Variants in COQ5 observed in about 807,000 individuals in gnomAD.
COQ5 encodes 2-methoxy-6-polyprenyl-1,4-benzoquinol methylase, mitochondrial.
COQ5 carries 27 observed loss-of-function variants against 40.5 expected under a neutral mutation model. The observed-to-expected ratio is 0.67, with a 90% CI of 0.49 to 0.92. The LOEUF is 0.92. COQ5 is among the 40% of genes least tolerant of loss of function. The pLI is 0.00. For missense variants in COQ5, 409 were observed against 406.4 expected, an observed-to-expected ratio of 1.01 and a Z score of -0.06; for synonymous variants, 141 against 150.0, an observed-to-expected ratio of 0.94 and a Z score of 0.44.
intron 3 of COQ5, among the ~76,000 whole-genome samples, chr12:120,513,221 G>T (rs557957097): frequency 1.4e-5 from 2 of 147,484 alleles, no homozygotes; most frequent in Non-Finnish European, 3.0e-5. Context: ...AAGTAGTTAA[G>T]GGCCAGGTGC....
At chr12:120,513,716 C>T (rs1308032802) in intron 3 of COQ5, among the ~76,000 whole-genome samples, 1 of 151,818 alleles carries the variant, frequency 6.6e-6, no homozygotes, top group African/African-American at 2.4e-5. Flanking sequence ...GACAGGGTTT[C>T]ACCATGTTGA....
At chr12:120,516,822 T>G in intron 2 of COQ5, 34 bp from the exon 3 acceptor site, 1 of 1,569,388 alleles carries the variant, frequency 6.4e-7, no homozygotes. Context: ...AGATGCAGAC[T>G]AAAACAAAAA....
In COQ5 at chr12:120,503,662, T is replaced by C. The variant is rs1593011761; in HGVS notation, c.*122A>G. 5 of 757,770 alleles carry C rather than the reference T, an allele frequency of 6.6e-6. No homozygotes were observed. In the East Asian group the frequency reaches 1.1e-4, roughly 16 times the overall value. 46.9% of individuals were successfully genotyped at this position (757,770 alleles called of 1,614,324 possible). ...ACTTTGAGACTGTTCGATTCAAACA[T>C]GAGTCCAAGGCACGTATCCTTAAGA... is the stretch of plus-strand genomic sequence containing the variant. On this transcript the variant is annotated 3_prime_UTR_variant, in exon 7 of 7. Coordinates refer to ENST00000288532, the MANE Select transcript of COQ5 (RefSeq NM_032314.4).
chr12:120,526,475 G>A (rs1305909310), intron 1 of COQ5: 1 of 455,612 alleles, frequency 2.2e-6, no homozygotes, highest in Non-Finnish European at 4.4e-6. Flanking sequence ...ACAAGAAATG[G>A]AGCTGTGACA....
chr12:120,526,477 G>T (rs1041995049), intron 1 of COQ5: 22 of 455,544 alleles, frequency 4.8e-5, no homozygotes, highest in Non-Finnish European at 8.8e-5. Flanking sequence ...AAGAAATGGA[G>T]CTGTGACAAA....
At chr12:120,514,389 C>T (rs1869280693) in intron 3 of COQ5, among the ~76,000 whole-genome samples, 1 of 152,020 alleles carries the variant, frequency 6.6e-6, no homozygotes. Context: ...TATACCACTG[C>T]CCCTCACAGT....
chr12:120,514,827 CTT>C (rs1196567924), intron 3 of COQ5, among the ~76,000 whole-genome samples: 2 of 152,100 alleles, frequency 1.3e-5, no homozygotes, highest in African/African-American at 2.4e-5. Flanking sequence ...GAGTTTCTCT[CTT>C]GTTGCCTAGG....
At position 120,505,178 on chromosome 12, in the gene COQ5, C is replaced by T. The variant is rs530607055; in HGVS notation, c.682-195G>A. Reference sequence around the variant, plus strand: ...CCAAATGCTATAGGCATTCTGCTGCCGGTGACTAGACAAAGTTAGCTGGGG... The same window carrying T: ...CCAAATGCTATAGGCATTCTGCTGCTGGTGACTAGACAAAGTTAGCTGGGG... On this transcript the variant is annotated intron_variant, in intron 4 of 6. Coordinates refer to ENST00000288532, the MANE Select transcript of COQ5 (RefSeq NM_032314.4). Among the ~76,000 whole-genome samples the T allele has an allele frequency of 1.2e-4, 18 of 152,250 alleles. No homozygotes were observed. The South Asian group carries it at 3.5e-3, about 30-fold the overall frequency.
At chr12:120,512,118 G>C (rs984241246) in intron 3 of COQ5, among the ~76,000 whole-genome samples, 2 of 152,106 alleles carry the variant, frequency 1.3e-5, no homozygotes, top group Admixed American at 1.3e-4. Context: ...GCTGAGGCAG[G>C]AGAATGGTGT....
At position 120,522,305 on chromosome 12, in the gene COQ5, A is replaced by C. The variant is rs1241425911; in HGVS notation, c.261T>G (p.Ser87Arg). The C allele has an allele frequency of 1.9e-6, 3 of 1,613,602 alleles. No homozygotes were observed. The highest frequency in any genetic ancestry group is 1.7e-6 in the Non-Finnish European group (2 of 1,179,716). Reference protein sequence around the residue: ...KKYDVMNDMMSLGIHRVWKDL... With the variant: ...KKYDVMNDMMRLGIHRVWKDL... ...CCTTCCAAACACGATGGATACCAAG[A>C]CTCATCATATCATTCATCACATCAT... The change falls in exon 2 of 7, where the codon AGT becomes AGG. Residue 87 changes from serine (S) to arginine (R), a missense_variant. Coordinates refer to ENST00000288532, the MANE Select transcript of COQ5 (RefSeq NM_032314.4).
intron 2 of COQ5, among the ~76,000 whole-genome samples, chr12:120,518,292 G>T (rs1229085301): frequency 1.3e-5 from 2 of 151,920 alleles, no homozygotes; most frequent in African/African-American, 4.8e-5. Flanking sequence ...AGCCAGGTGT[G>T]GGGCACATGC....
At chr12:120,514,401 G>A (rs1441979537) in intron 3 of COQ5, among the ~76,000 whole-genome samples, 1 of 152,048 alleles carries the variant, frequency 6.6e-6, no homozygotes, top group Non-Finnish European at 1.5e-5. Flanking sequence ...CCTCACAGTG[G>A]CCATCTGTGG....
At position 120,522,327 on chromosome 12, in the gene COQ5, T is replaced by TCATA; in HGVS notation, c.235_238dup (p.Asp80ValfsTer2). The TCATA allele has an allele frequency of 6.2e-7, 1 of 1,613,778 alleles. No homozygotes were observed. Among genetic ancestry groups the TCATA allele is most frequent in the Non-Finnish European group, 8.5e-7 (1 of 1,179,688 alleles). The stretch of plus-strand genomic sequence containing the variant: ...AAGACTCATCATATCATTCATCACA[T>TCATA]CATACTTCTTAGCCACACTTTCAAA... On this transcript the variant is annotated stop_gained and frameshift_variant, in exon 2 of 7. Coordinates refer to ENST00000288532, the MANE Select transcript of COQ5 (RefSeq NM_032314.4). LOFTEE classifies it high-confidence loss of function.
chr12:120,510,803 C>T (rs563421177), intron 3 of COQ5, among the ~76,000 whole-genome samples: 20 of 152,220 alleles, frequency 1.3e-4, no homozygotes, highest in Non-Finnish European at 2.6e-4. Context: ...TCAGAGATCA[C>T]CAGAGGCCCC....
chr12:120,513,407 C>T (rs1869230641), intron 3 of COQ5, among the ~76,000 whole-genome samples: 1 of 147,760 alleles, frequency 6.8e-6, no homozygotes, highest in Admixed American at 6.9e-5. Context: ...GAGGCTGAGG[C>T]AAGAGAATGG....
intron 3 of COQ5, among the ~76,000 whole-genome samples, chr12:120,512,204 C>G (rs1215049515): frequency 6.7e-6 from 1 of 149,130 alleles, no homozygotes; most frequent in Non-Finnish European, 1.5e-5. Context: ...AACGAGACTC[C>G]GTCTCAAAAA....
At chr12:120,513,886 A>G (rs755722906) in intron 3 of COQ5, among the ~76,000 whole-genome samples, 4 of 152,070 alleles carry the variant, frequency 2.6e-5, no homozygotes, top group Non-Finnish European at 4.4e-5. Flanking sequence ...ACTTTTCATG[A>G]TGTTTTTGCA....
chr12:120,522,619 T>A, intron 1 of COQ5: 1 of 650,422 alleles, frequency 1.5e-6, no homozygotes, highest in South Asian at 1.8e-5. Context: ...TCCAGGGGGG[T>A]CACACCAGTC....
chr12:120,527,862 C>T (rs1479993318), intron 1 of COQ5, among the ~76,000 whole-genome samples: 1 of 151,610 alleles, frequency 6.6e-6, no homozygotes, highest in Non-Finnish European at 1.5e-5. Context: ...TGGCGGGCCC[C>T]TGTAGTCCCA....
Sources: gnomAD v4.1 joint callset for allele counts (sites outside exome capture counted in the v4.1 genomes callset) on GRCh38, gnomAD v4.1.1 for gene constraint, MANE v1.5 for transcripts, NCBI Gene and HGNC (gene_info 2026-07-23, HGNC 2026-07-21) for gene names.